The following TRPV1 variants were observed in gnomAD, a reference collection of about 807,000 sequenced individuals.
TRPV1 encodes the protein OTRPC1.
TRPV1 carries 82 observed loss-of-function variants against 82.3 expected under a neutral mutation model. That is an observed-to-expected ratio of 1.00 (90% CI 0.83 to 1.20). The LOEUF is 1.20. Ranked by LOEUF, TRPV1 falls within the 50% of genes most tolerant of loss-of-function variation. The probability of loss-of-function intolerance (pLI) is 0.00; values close to 1 mark genes in which losing one functional copy is unlikely to be tolerated. For missense variants in TRPV1, 1,067 were observed against 1,096.8 expected (o/e 0.97, Z 0.38); for synonymous variants, 515 against 467.7 (o/e 1.10, Z -1.30).
chr17:3,587,737 C>T (rs1253472138), intron 8 of TRPV1, among the ~76,000 whole-genome samples: 4 of 151,256 alleles, frequency 2.6e-5, no homozygotes, highest in East Asian at 1.9e-4. Flanking sequence ...CGCTTGAACC[C>T]GGGAGATAGA....
chr17:3,601,843 C>T (rs947837422), intron 2 of TRPV1: 8 of 152,012 alleles, frequency 5.3e-5, no homozygotes, highest in Middle Eastern at 3.4e-3. Flanking sequence ...GATCCCCCAC[C>T]TCAGTCTCCC....
intron 7 of TRPV1, 126 bp from the exon 8 acceptor site, chr17:3,588,493 C>T: frequency 3.7e-6 from 4 of 1,075,252 alleles, no homozygotes; most frequent in Admixed American, 2.5e-5. Flanking sequence ...CGAGTCCCCA[C>T]CCACTCCTGA....
chr17:3,587,593 C>T (rs222746), intron 8 of TRPV1, among the ~76,000 whole-genome samples: 90,331 of 152,030 alleles, frequency 0.59, 29,871 homozygotes, highest in Non-Finnish European at 0.75. Flanking sequence ...CCAAGGAGGG[C>T]GGATCACCTG....
intron 2 of TRPV1, among the ~76,000 whole-genome samples, chr17:3,594,324 C>CTT (rs79268135): frequency 4.4e-5 from 6 of 137,498 alleles, no homozygotes; most frequent in East Asian, 2.1e-4. Context: ...CCTGCATTTT[C>CTT]TTTTTTTTTT....
chr17:3,572,218 C>T lies in TRPV1; in HGVS notation c.2135G>A (p.Ser712Asn), dbSNP rs1315203175. 6.2e-7 allele frequency: 1 copy of T among 1,611,072 alleles called. No individual in the cohort carries two copies. The highest frequency in any genetic ancestry group is 1.7e-4 in the Middle Eastern group (1 of 6,054). ...RAITILDTEK[S>N]FLKCMRKAFR... ...GGCCTTCCTCATGCACTTAAGGAAG[C>T]TCTTCTCCGTGTCCAGGATGGTGAT... The change falls in exon 15 of 17, where the codon AGC (serine) becomes AAC (asparagine). Residue 712 changes from serine (S) to asparagine (N), a missense_variant. Coordinates refer to ENST00000572705, the MANE Select transcript of TRPV1 (RefSeq NM_080704.4).
chr17:3,580,669 G>C (rs2074996141), intron 10 of TRPV1, 142 bp from the exon 11 acceptor site: 8 of 868,324 alleles, frequency 9.2e-6, no homozygotes, highest in Non-Finnish European at 1.5e-5. Flanking sequence ...AGAACAGCAA[G>C]GGTCAGGCCA....
chr17:3,606,324 G>A (rs1193346400), intron 2 of TRPV1, among the ~76,000 whole-genome samples: 1 of 152,198 alleles, frequency 6.6e-6, no homozygotes, highest in African/African-American at 2.4e-5. Context: ...ACACCACACT[G>A]TCCTCACTCA....
chr17:3,592,326 A>G lies in TRPV1; in HGVS notation c.25T>C (p.Leu9=). Residue 9 remains leucine, a synonymous_variant, in exon 3 of 17, where the codon TTG becomes CTG. Transcript: ENST00000572705. Reference sequence around the variant, plus strand: ...TGGAGTGGGTCCGCAGCTGCCCCCAAGTCTGTGCTGCTCCATTTCTTCATC... The same window carrying G: ...TGGAGTGGGTCCGCAGCTGCCCCCAGGTCTGTGCTGCTCCATTTCTTCATC... MKKWSSTD[L]GAAADPLQKD... 6.3e-7 allele frequency: 1 copy of G among 1,596,642 alleles called. No homozygotes were observed.
intron 2 of TRPV1, among the ~76,000 whole-genome samples, chr17:3,605,533 T>C (rs2075291616): frequency 6.6e-6 from 1 of 151,652 alleles, no homozygotes; most frequent in African/African-American, 2.4e-5. Flanking sequence ...ATTCAATGAA[T>C]TCAAACAAGT....
At position 3,568,333 on chromosome 17, in the gene TRPV1, A is replaced by G. The variant is rs112224368; in HGVS notation, c.2348-1346T>C. ...CCAGACTCCGTCTCAAAAAAAAAAAAAAAAGAAAAGAAAAGAAAAACTACT... is the reference window on the plus strand; with the variant it reads ...CCAGACTCCGTCTCAAAAAAAAAAAGAAAAGAAAAGAAAAGAAAAACTACT... On this transcript the variant is annotated intron_variant, in intron 16 of 16. Coordinates refer to ENST00000572705, the MANE Select transcript of TRPV1 (RefSeq NM_080704.4). Among the ~76,000 whole-genome samples the G allele has an allele frequency of 4.1e-3, 628 of 151,872 alleles. 3 individuals carry two copies. The highest frequency in any genetic ancestry group is 0.013 in the African/African-American group (555 of 41,410).
chr17:3,601,174 C>T (rs2075259958), intron 2 of TRPV1, among the ~76,000 whole-genome samples: 1 of 152,128 alleles, frequency 6.6e-6, no homozygotes, highest in African/African-American at 2.4e-5. Flanking sequence ...TCCTTCTCGG[C>T]CCTCCCTGGG....
At chr17:3,586,242 G>A (rs553413924) in intron 8 of TRPV1, among the ~76,000 whole-genome samples, 10 of 152,278 alleles carry the variant, frequency 6.6e-5, no homozygotes, top group South Asian at 2.1e-4. Flanking sequence ...ACTCCCTCCC[G>A]AGAGCCCACA....
chr17:3,594,786 C>T (rs1005656429), intron 2 of TRPV1, among the ~76,000 whole-genome samples: 4 of 152,238 alleles, frequency 2.6e-5, no homozygotes, highest in African/African-American at 9.6e-5. Context: ...ACTGGCTGGG[C>T]GGAGGGACTG....
chr17:3,600,466 G>C (rs888617877), intron 2 of TRPV1, among the ~76,000 whole-genome samples: 1 of 152,166 alleles, frequency 6.6e-6, no homozygotes, highest in African/African-American at 2.4e-5. Flanking sequence ...GTGCACGCCT[G>C]TAGTCCCAGC....
intron 16 of TRPV1, among the ~76,000 whole-genome samples, chr17:3,568,321 C>CAA (rs536064872): frequency 0.012 from 1,056 of 88,120 alleles, 13 homozygotes; most frequent in African/African-American, 0.041. Flanking sequence ...GACTCCGTCT[C>CAA]AAAAAAAAAA....
chr17:3,608,214 A>AG (rs2150863027), intron 2 of TRPV1: 1 of 151,516 alleles, frequency 6.6e-6, no homozygotes, highest in South Asian at 2.1e-4. Flanking sequence ...ATGTCTCAAA[A>AG]AAAAAAAAAA....
At chr17:3,578,944 A>G (rs1426207736) in intron 11 of TRPV1, 5 of 152,150 alleles carry the variant, frequency 3.3e-5, no homozygotes, top group African/African-American at 7.2e-5. Context: ...CAAATCCCAC[A>G]TGTTCTTACT....
chr17:3,574,622 G>C (rs548099880), intron 13 of TRPV1, among the ~76,000 whole-genome samples: 1 of 152,208 alleles, frequency 6.6e-6, no homozygotes, highest in South Asian at 2.1e-4. Context: ...TGTGGGACTC[G>C]GATGAGCATC....
intron 12 of TRPV1, 27 bp from the exon 13 acceptor site, chr17:3,577,219 G>A (rs1204367009): frequency 6.4e-7 from 1 of 1,565,050 alleles, no homozygotes; most frequent in Non-Finnish European, 8.7e-7. Flanking sequence ...GCTCATCAGA[G>A]CCGAGGCCAG....
Sources: gnomAD v4.1 joint callset for allele counts (sites outside exome capture counted in the v4.1 genomes callset) on GRCh38, gnomAD v4.1.1 for gene constraint, MANE v1.5 for transcripts, NCBI Gene and HGNC (gene_info 2026-07-23, HGNC 2026-07-21) for gene names.